SCN1A: variants seen among roughly 807,000 people sequenced by gnomAD.
The protein encoded by SCN1A is sodium voltage-gated channel alpha subunit 1.
In SCN1A, 13 loss-of-function variants were observed where a neutral mutation model predicts 193.7. The observed-to-expected ratio is 0.07, with a 90% CI of 0.04 to 0.11. The LOEUF is 0.11. SCN1A is among the 10% of genes least tolerant of loss of function. The probability of loss-of-function intolerance (pLI) is 1.00; values close to 1 mark genes in which losing one functional copy is unlikely to be tolerated. For synonymous variants in SCN1A, 781 were observed against 843.6 expected, an observed-to-expected ratio of 0.93 and a Z score of 1.29; for missense variants, 1,432 against 2,451.1, an observed-to-expected ratio of 0.58 and a Z score of 8.78.
At chr2:166,139,021 G>T (rs1214515783) in intron 1 of SCN1A, among the ~76,000 whole-genome samples, 1 of 152,166 alleles carries the variant, frequency 6.6e-6, no homozygotes. Flanking sequence ...AGGGTCTGTA[G>T]TTCCTCTGTT....
chr2:166,099,931 T>C lies in SCN1A; in HGVS notation c.-141-22130A>G, dbSNP rs1226552676. 1.2e-3 allele frequency among the ~76,000 whole-genome samples: 139 copies of C among 116,682 alleles called. 1 individual carries two copies. The highest frequency in any genetic ancestry group is 2.2e-3 in the Non-Finnish European group (122 of 54,640). 76.5% of individuals were successfully genotyped at this position (116,682 alleles called of 152,430 possible). ...AGAATCAATATCGTGAAAATGGCCA[T>C]ACTGCCCAAGGTAATTTACAGATTC... On this transcript the variant is annotated intron_variant, in intron 2 of 28. Coordinates refer to ENST00000674923, the MANE Select transcript of SCN1A (RefSeq NM_001165963.4).
intron 1 of SCN1A, among the ~76,000 whole-genome samples, chr2:166,140,579 T>C (rs1003461602): frequency 1.3e-5 from 2 of 152,146 alleles, no homozygotes; most frequent in African/African-American, 4.8e-5. Flanking sequence ...AGTTAACAAA[T>C]ACACTAAACA....
intron 2 of SCN1A, among the ~76,000 whole-genome samples, chr2:166,099,521 G>T (rs1310421845): frequency 2.2e-5 from 3 of 137,734 alleles, no homozygotes; most frequent in East Asian, 2.1e-4. Context: ...GGGCAATTAG[G>T]CAGGAGAAGG....
chr2:166,005,956 T>C (rs1691596276), intron 23 of SCN1A, among the ~76,000 whole-genome samples: 1 of 151,372 alleles, frequency 6.6e-6, no homozygotes, highest in Non-Finnish European at 1.5e-5. Flanking sequence ...GTTTCTCTAC[T>C]CTAGCACAAC....
At chr2:165,994,099 C>A in intron 28 of SCN1A, 47 bp downstream of exon 28, 2 of 1,411,800 alleles carry the variant, frequency 1.4e-6, no homozygotes, top group Non-Finnish European at 9.9e-7. Flanking sequence ...ATTGTTTCAG[C>A]TTTCACTTTT....
chr2:166,032,331 G>A (rs142297488), intron 19 of SCN1A, among the ~76,000 whole-genome samples: 1 of 121,400 alleles, frequency 8.2e-6, no homozygotes, highest in East Asian at 2.7e-4. Flanking sequence ...ATGAAAATAG[G>A]CAAAAAGAAT....
chr2:166,115,085 G>A (rs1008273040), intron 2 of SCN1A, among the ~76,000 whole-genome samples: 3 of 152,080 alleles, frequency 2.0e-5, no homozygotes, highest in African/African-American at 4.8e-5. Flanking sequence ...CTCAAAATGA[G>A]CTAGGCACGG....
chr2:166,000,817 A>G (rs1690724769), intron 24 of SCN1A, among the ~76,000 whole-genome samples: 1 of 151,684 alleles, frequency 6.6e-6, no homozygotes, highest in Non-Finnish European at 1.5e-5. Context: ...AAAGTGATTC[A>G]AGGGACCATT....
rs369712861 is a variant in SCN1A at position 166,020,271 on chromosome 2, C to T, written c.3430-4544G>A. ...CTAGTGATTTTTCCTCCCATCATTG[C>T]GGAAGAGTAATAATTGCTCTCTTAT... On this transcript the variant is annotated intron_variant, in intron 19 of 28. Transcript: ENST00000674923. 1.4e-4 allele frequency among the ~76,000 whole-genome samples: 22 copies of T among 152,104 alleles called. No homozygotes were observed. In the East Asian group the frequency reaches 2.1e-3, roughly 15 times the overall value.
intron 23 of SCN1A, among the ~76,000 whole-genome samples, chr2:166,006,204 T>C (rs1691628042): frequency 6.6e-6 from 1 of 151,314 alleles, no homozygotes; most frequent in Admixed American, 6.6e-5. Context: ...GTAGGAATCA[T>C]CCATTTTTAA....
intron 13 of SCN1A, 82 bp from the exon 14 acceptor site, chr2:166,044,131 AAGG>A: frequency 2.0e-6 from 3 of 1,486,818 alleles, no homozygotes; most frequent in Non-Finnish European, 2.8e-6. Context: ...GATTATGTAG[AAGG>A]AGATTTCAGC....
At chr2:166,031,224 G>A (rs190120851) in intron 19 of SCN1A, among the ~76,000 whole-genome samples, 186 of 152,144 alleles carry the variant, frequency 1.2e-3, no homozygotes, top group Non-Finnish European at 2.1e-3. Flanking sequence ...CTGGAATGGA[G>A]GATAGTTAGG....
intron 13 of SCN1A, 95 bp downstream of exon 13, chr2:166,044,948 G>C (rs1697613280): frequency 1.5e-6 from 2 of 1,338,748 alleles, no homozygotes; most frequent in Non-Finnish European, 2.1e-6. Flanking sequence ...GGTTGATTCA[G>C]TTGATAAAAA....
intron 21 of SCN1A, among the ~76,000 whole-genome samples, chr2:166,013,049 CTCTT>C (rs769920294): frequency 1.7e-4 from 26 of 151,520 alleles, no homozygotes; most frequent in Non-Finnish European, 1.3e-4. Context: ...CTGTTTCTCT[CTCTT>C]TCTTTCTCTT....
chr2:165,996,822 A>T (rs775086912), intron 26 of SCN1A, among the ~76,000 whole-genome samples: 3 of 151,424 alleles, frequency 2.0e-5, no homozygotes, highest in Non-Finnish European at 3.0e-5. Context: ...CAAAAAGCAA[A>T]CCTACTGAAC....
intron 2 of SCN1A, among the ~76,000 whole-genome samples, chr2:166,104,783 A>T (rs767466978): frequency 1.3e-5 from 2 of 152,310 alleles, no homozygotes; most frequent in South Asian, 2.1e-4. Flanking sequence ...ATATGAGACT[A>T]TGAGACCGCC....
At chr2:165,998,202 T>C (rs1169058525) in intron 25 of SCN1A, 27 bp from the exon 26 acceptor site, 1 of 1,588,152 alleles carries the variant, frequency 6.3e-7, no homozygotes, top group Non-Finnish European at 8.6e-7. Flanking sequence ...TTTTGTAAAA[T>C]ATTACCATAC....
chr2:166,063,580 T>C (rs1374884927), intron 4 of SCN1A, among the ~76,000 whole-genome samples: 3 of 152,070 alleles, frequency 2.0e-5, no homozygotes, highest in Non-Finnish European at 2.9e-5. Flanking sequence ...TAGGAGATGC[T>C]CAACTATTTG....
At chr2:166,073,714 G>A (rs1364372210) in intron 3 of SCN1A, 44 bp from the exon 4 acceptor site, 1 of 1,305,258 alleles carries the variant, frequency 7.7e-7, no homozygotes, top group African/African-American at 1.5e-5. Context: ...TGGACTAAGA[G>A]ATGTTAATAT....
Sources: gnomAD v4.1 joint callset for allele counts (sites outside exome capture counted in the v4.1 genomes callset) on GRCh38, gnomAD v4.1.1 for gene constraint, MANE v1.5 for transcripts, NCBI Gene and HGNC (gene_info 2026-07-23, HGNC 2026-07-21) for gene names.